SPEG: variants seen among roughly 807,000 people sequenced by gnomAD.
The protein encoded by SPEG is striated muscle enriched protein kinase, also known as striated muscle preferentially expressed protein kinase.
Under a neutral mutation model 300.4 loss-of-function variants are expected in SPEG, and 114 were observed. The observed-to-expected ratio is 0.38, with a 90% CI of 0.33 to 0.44. SPEG has a LOEUF of 0.44. SPEG is among the 20% of genes least tolerant of loss of function. SPEG has a pLI of 1.00. For missense variants in SPEG, 4,201 were observed against 4,586.2 expected, an observed-to-expected ratio of 0.92 and a Z score of 2.43; for synonymous variants, 1,964 against 2,018.9, an observed-to-expected ratio of 0.97 and a Z score of 0.73.
At chr2:219,487,632 G>A (rs904648720) in intron 31 of SPEG, among the ~76,000 whole-genome samples, 1 of 152,204 alleles carries the variant, frequency 6.6e-6, no homozygotes, top group Non-Finnish European at 1.5e-5. Flanking sequence ...CCCGATGGCA[G>A]GTGGGAAGAG....
chr2:219,485,125 G>A, intron 30 of SPEG, 53 bp downstream of exon 30: 1 of 1,519,264 alleles, frequency 6.6e-7, no homozygotes, highest in South Asian at 1.2e-5. Flanking sequence ...GGGGTGCGCT[G>A]GAGAGAGGCT....
chr2:219,451,261 G>A lies in SPEG; in HGVS notation c.2239G>A (p.Ala747Thr). 2 of 1,611,554 alleles carry A rather than the reference G, an allele frequency of 1.2e-6. No individual in the cohort carries two copies. The highest frequency in any genetic ancestry group is 1.7e-6 in the Non-Finnish European group (2 of 1,178,996). ...ADVLLKCIITANPPPQVSWHK... is the reference protein window; with the variant it reads ...ADVLLKCIITTNPPPQVSWHK... ...TGTGCTGCTCAAGTGTATCATCACT[G>A]CCAACCCCCCGCCCCAAGGTGAGCT... Residue 747 changes from alanine (A) to threonine (T), a missense_variant, in exon 5 of 41, where the codon GCC becomes ACC. Transcript: ENST00000312358. The surrounding 1 kb of genome is among the most constrained non-coding windows in gnomAD (Gnocchi z 6.4).
chr2:219,457,351 G>C (rs1465625408), intron 6 of SPEG, among the ~76,000 whole-genome samples: 1 of 152,190 alleles, frequency 6.6e-6, no homozygotes, highest in Non-Finnish European at 1.5e-5. Context: ...GGGAGGCCAA[G>C]GCAGGTGGAA....
intron 36 of SPEG, among the ~76,000 whole-genome samples, chr2:219,490,195 G>A (rs1004786241): frequency 6.6e-6 from 1 of 152,264 alleles, no homozygotes; most frequent in African/African-American, 2.4e-5. Context: ...CAAAGCTGAG[G>A]TTAGAGAAGC....
intron 6 of SPEG, among the ~76,000 whole-genome samples, chr2:219,457,789 A>G (rs1255100887): frequency 6.6e-6 from 1 of 152,222 alleles, no homozygotes; most frequent in Non-Finnish European, 1.5e-5. Flanking sequence ...CCCAGTTTAT[A>G]GACAGACAGT....
In SPEG at chr2:219,481,218, C is replaced by A; in HGVS notation, c.5370-86C>A. 1 of 1,422,162 alleles carries A rather than the reference C, an allele frequency of 7.0e-7. No homozygotes were observed. 88.1% of individuals were successfully genotyped at this position (1,422,162 alleles called of 1,614,324 possible). A position where few individuals can be genotyped will look rare whatever the true frequency, so the allele number is the denominator to read the frequency against. On this transcript the variant is annotated intron_variant, in intron 26 of 40. Transcript: ENST00000312358. This position sits in a 1 kb window ranked among gnomAD's most constrained non-coding sequence, Gnocchi z 5.4. ...TCTGTCATCCTCACAACCCCAGAGCCTCCATCTGTCCCCAGCCCTGTGCCC... is the reference window on the plus strand; with the variant it reads ...TCTGTCATCCTCACAACCCCAGAGCATCCATCTGTCCCCAGCCCTGTGCCC...
intron 6 of SPEG, among the ~76,000 whole-genome samples, chr2:219,456,008 A>C (rs1005319893): frequency 6.6e-6 from 1 of 152,140 alleles, no homozygotes; most frequent in Non-Finnish European, 1.5e-5. Context: ...TGGCCTCTTC[A>C]TTGTACCTTA....
chr2:219,456,908 CAA>C (rs61151030), intron 6 of SPEG, among the ~76,000 whole-genome samples: 1,645 of 39,562 alleles, frequency 0.042, 21 homozygotes, highest in African/African-American at 0.069. Flanking sequence ...GACTCTGTCT[CAA>C]AAAAAAAAAA....
chr2:219,480,659 C>T lies in SPEG; in HGVS notation c.5343-12C>T. 4 of 1,613,974 alleles carry T rather than the reference C, an allele frequency of 2.5e-6. No individual in the cohort carries two copies. Among genetic ancestry groups the T allele is most frequent in the Non-Finnish European group, 3.4e-6 (4 of 1,179,866 alleles). On this transcript the variant is annotated splice_polypyrimidine_tract_variant and intron_variant, in intron 25 of 40. Transcript: ENST00000312358. This position sits in a 1 kb window ranked among gnomAD's most constrained non-coding sequence, Gnocchi z 5.3. Reference sequence around the variant, plus strand: ...GGCGGTCCTCTTACCTATCACTCTCCTTTTCCCACAGGCCTGTGGGTGTTG... The same window carrying T: ...GGCGGTCCTCTTACCTATCACTCTCTTTTTCCCACAGGCCTGTGGGTGTTG...
At position 219,489,819 on chromosome 2, in the gene SPEG, C is replaced by G; in HGVS notation, c.8801C>G (p.Pro2934Arg). 6.2e-7 allele frequency: 1 copy of G among 1,613,552 alleles called. No individual in the cohort carries two copies. Among genetic ancestry groups the G allele is most frequent in the Middle Eastern group, 1.7e-4 (1 of 6,060 alleles). ...PTKVTVQSLS[P>R]AKEVVSSPGS... is the part of the protein sequence containing the mutation. ...AAGGTGACTGTGCAGAGCCTCAGCC[C>G]GGCCAAGGAGGTGGTCAGCTCCCCT... Residue 2934 changes from proline to arginine, a missense_variant, in exon 36 of 41, where the codon CCG (proline) becomes CGG (arginine). Physicochemically the swap from Pro to Arg is moderately radical, Grantham distance 103. Transcript: ENST00000312358.
rs781357397 is a variant in SPEG, at chr2:219,451,836, G to A, written c.2440+29G>A. Reference sequence around the variant, plus strand: ...GGGAGCCCATCAACCCTGGGGCTGGGTGGGGGCAAGCCGTGACTCTCCCCT... The same window carrying A: ...GGGAGCCCATCAACCCTGGGGCTGGATGGGGGCAAGCCGTGACTCTCCCCT... On this transcript the variant is annotated intron_variant, in intron 6 of 40. Transcript: ENST00000312358. The surrounding 1 kb of genome is among the most constrained non-coding windows in gnomAD (Gnocchi z 6.4). 1.3e-6 allele frequency: 2 copies of A among 1,500,888 alleles called. No individual in the cohort carries two copies. Among genetic ancestry groups the A allele is most frequent in the Non-Finnish European group, 1.8e-6 (2 of 1,117,856 alleles). The allele number at this position is 1,500,888 out of a possible 1,614,324, so 93.0% of individuals were successfully genotyped here.
intron 1 of SPEG, among the ~76,000 whole-genome samples, chr2:219,440,068 C>A (rs1020469022): frequency 6.6e-6 from 1 of 152,174 alleles, no homozygotes; most frequent in African/African-American, 2.4e-5. Flanking sequence ...CCAGAATGTA[C>A]AAGACATGAC....
In SPEG at chr2:219,480,828, T is replaced by G; in HGVS notation, c.5369+131T>G. The stretch of plus-strand genomic sequence containing the variant: ...TGCACTGCAAGGAGCCTCATGTGCA[T>G]GAAGGTGGACACCCCTGTCTGCATG... On this transcript the variant is annotated intron_variant, in intron 26 of 40. Coordinates refer to ENST00000312358, the MANE Select transcript of SPEG (RefSeq NM_005876.5). The surrounding 1 kb of genome is among the most constrained non-coding windows in gnomAD (Gnocchi z 5.3). 1.1e-6 allele frequency: 1 copy of G among 873,782 alleles called. No individual in the cohort carries two copies. Among genetic ancestry groups the G allele is most frequent in the Non-Finnish European group, 1.9e-6 (1 of 530,978 alleles). The allele number at this position is 873,782 out of a possible 1,614,324, so 54.1% of individuals were successfully genotyped here.
chr2:219,474,194 A>G (rs1280286838), intron 18 of SPEG: 4 of 276,844 alleles, frequency 1.4e-5, no homozygotes, highest in Admixed American at 4.7e-5. Flanking sequence ...CCTCGCCAAC[A>G]TGGTGAAACC....
intron 9 of SPEG, chr2:219,465,914 TGTGTGTGTGCGCGCGTGTGCGTGCAC>T (rs1197268618): frequency 3.0e-6 from 2 of 677,278 alleles, no homozygotes; most frequent in Non-Finnish European, 5.1e-6. Flanking sequence ...TGTGCATGCG[TGTGTGTGTGCGCGCGTGTGCGTGCAC>T]GTGTGCGTGC....
At chr2:219,485,554 T>A (rs1693332487) in intron 31 of SPEG, 77 bp downstream of exon 31, 3 of 1,441,288 alleles carry the variant, frequency 2.1e-6, no homozygotes, top group Non-Finnish European at 2.8e-6. Flanking sequence ...CAGTCATGGC[T>A]GGTGAGAGGT....
chr2:219,488,127 C>T (rs750767832), intron 31 of SPEG, 67 bp from the exon 32 acceptor site: 3 of 1,028,588 alleles, frequency 2.9e-6, no homozygotes, highest in Non-Finnish European at 4.4e-6. Context: ...GCCTTCTCCA[C>T]CCCTCCCTCA....
intron 1 of SPEG, 85 bp downstream of exon 1, chr2:219,435,450 C>T: frequency 4.5e-6 from 6 of 1,335,740 alleles, no homozygotes; most frequent in Non-Finnish European, 5.9e-6. Context: ...GGGTAAGGTA[C>T]TGGATACTGG....
Position 219,493,526 on chromosome 2 carries a change from TC to T in SPEG, c.*744del. 8.8e-6 allele frequency: 4 copies of T among 456,848 alleles called. No individual in the cohort carries two copies. The highest frequency in any genetic ancestry group is 4.6e-5 in the South Asian group (3 of 64,572). The allele number at this position is 456,848 out of a possible 1,614,324, so 28.3% of individuals were successfully genotyped here. A position where few individuals can be genotyped will look rare whatever the true frequency, so the allele number is the denominator to read the frequency against. ...TTTATTTATTGACTTTTATGAAGTT[TC>T]CCCTTCCATCCGATCCCTACTGCCC... On this transcript the variant is annotated 3_prime_UTR_variant, in exon 41 of 41. Coordinates refer to ENST00000312358, the MANE Select transcript of SPEG (RefSeq NM_005876.5).
Sources: allele counts gnomAD v4.1 joint callset (sites outside exome capture counted in the v4.1 genomes callset), GRCh38; gene constraint gnomAD v4.1.1; non-coding constraint Gnocchi (gnomAD v3.1); transcripts MANE v1.5; gene names NCBI Gene and HGNC (gene_info 2026-07-23, HGNC 2026-07-21).